FAAH2: variants seen among roughly 807,000 people sequenced by gnomAD.
FAAH2 encodes fatty-acid amide hydrolase 2.
In FAAH2, 60 loss-of-function variants were observed where a neutral mutation model predicts 36.9. That is an observed-to-expected ratio of 1.63 (90% confidence interval 1.32 to 2.02). FAAH2 has a LOEUF of 2.02. Among genes scored for constraint, FAAH2 ranks in the 30% most tolerant of loss-of-function variants. FAAH2 has a pLI of 0.00. For missense variants in FAAH2, 689 were observed against 397.5 expected, an observed-to-expected ratio of 1.73 and a Z score of -6.23; for synonymous variants, 214 against 143.8, an observed-to-expected ratio of 1.49 and a Z score of -3.49.
chrX:57,310,764 A>T, intron 3 of FAAH2, 35 bp downstream of exon 3: 2 of 1,154,150 alleles, frequency 1.7e-6, no homozygotes, highest in East Asian at 3.1e-5. Flanking sequence ...CATGAGTTTA[A>T]TTCACAAGTT....
chrX:57,148,415 G>C, the FAAH2 span, among the ~76,000 whole-genome samples: 6 of 111,265 alleles, frequency 5.4e-5, no homozygotes, highest in Admixed American at 9.5e-5. Context: ...TCTTCCATTT[G>C]TTTGTATCCT....
the FAAH2 span, among the ~76,000 whole-genome samples, chrX:57,273,098 A>G: frequency 8.9e-6 from 1 of 111,885 alleles, no homozygotes; most frequent in Non-Finnish European, 1.9e-5. Context: ...GCAAAAAAGA[A>G]CGTGAGTTGC....
chrX:57,424,828 G>T (rs1183407478), intron 7 of FAAH2, among the ~76,000 whole-genome samples: 2 of 111,805 alleles, frequency 1.8e-5, no homozygotes, highest in African/African-American at 6.5e-5. Flanking sequence ...GAAAAAATGT[G>T]GGTGTTATGA....
chrX:57,447,322 A>T (rs917708772), intron 9 of FAAH2, among the ~76,000 whole-genome samples: 1 of 110,388 alleles, frequency 9.1e-6, no homozygotes, highest in African/African-American at 3.3e-5. Context: ...GTGTCTGTGG[A>T]TTTTCTGGGT....
At chrX:57,377,675 G>A (rs1203407984) in intron 5 of FAAH2, among the ~76,000 whole-genome samples, 1 of 112,120 alleles carries the variant, frequency 8.9e-6, no homozygotes, top group Non-Finnish European at 1.9e-5. Flanking sequence ...TTCTAATTCT[G>A]TGAAGAAAGT....
chrX:57,429,962 A>G (rs1273233991), intron 7 of FAAH2, among the ~76,000 whole-genome samples: 4 of 111,381 alleles, frequency 3.6e-5, no homozygotes, highest in African/African-American at 1.3e-4. Flanking sequence ...ATTTTCACTT[A>G]TAAGTGAGAG....
At chrX:57,212,118 C>T in the FAAH2 span, among the ~76,000 whole-genome samples, 1 of 111,365 alleles carries the variant, frequency 9.0e-6, no homozygotes, top group Admixed American at 9.6e-5. Context: ...GTAGTCTCAG[C>T]AACTTGGGGA....
intron 10 of FAAH2, among the ~76,000 whole-genome samples, chrX:57,459,140 G>T (rs769403520): frequency 3.6e-5 from 4 of 112,464 alleles, no homozygotes; most frequent in Admixed American, 2.8e-4. Context: ...CTAGCTTGGT[G>T]GGGGGAGGGG....
At chrX:57,438,834 A>G (rs1233663802) in intron 8 of FAAH2, among the ~76,000 whole-genome samples, 4 of 99,662 alleles carry the variant, frequency 4.0e-5, no homozygotes, top group East Asian at 6.7e-4. Flanking sequence ...TCCCACCTAT[A>G]AGTGAGAACA....
chrX:57,234,733 G>A, the FAAH2 span, among the ~76,000 whole-genome samples: 1 of 111,581 alleles, frequency 9.0e-6, no homozygotes, highest in Non-Finnish European at 1.9e-5. Context: ...GTAGTGTGAA[G>A]GATGGGGAGC....
intron 8 of FAAH2, among the ~76,000 whole-genome samples, chrX:57,441,737 T>C (rs2056562186): frequency 9.0e-6 from 1 of 111,695 alleles, no homozygotes; most frequent in Non-Finnish European, 1.9e-5. Context: ...CTTTCTCTTG[T>C]GGGCGTTTAG....
At chrX:57,317,561 A>G (rs1171679004) in intron 3 of FAAH2, among the ~76,000 whole-genome samples, 1 of 111,631 alleles carries the variant, frequency 9.0e-6, no homozygotes, top group Admixed American at 9.5e-5. Flanking sequence ...CTACACCATA[A>G]TAGTGGGAGA....
intron 10 of FAAH2, among the ~76,000 whole-genome samples, chrX:57,455,689 C>T (rs761865915): frequency 5.4e-5 from 6 of 111,723 alleles, no homozygotes; most frequent in Non-Finnish European, 9.4e-5. Context: ...AAACCAGCAA[C>T]GGTCATAAAA....
intron 10 of FAAH2, among the ~76,000 whole-genome samples, chrX:57,484,940 G>A (rs1289682064): frequency 9.0e-6 from 1 of 111,482 alleles, no homozygotes; most frequent in African/African-American, 3.3e-5. Flanking sequence ...TGGTCCCTGG[G>A]TCACTGGCTG....
chrX:57,300,724 T>C (rs2052332038), intron 2 of FAAH2, among the ~76,000 whole-genome samples: 1 of 111,770 alleles, frequency 8.9e-6, no homozygotes, highest in South Asian at 3.8e-4. Flanking sequence ...GACAAAGGGC[T>C]AATATCCAGA....
Position 57,331,668 on chromosome X carries a change from A to G in FAAH2, c.483A>G (p.Ala161=), listed in dbSNP as rs2053410515. Residue 161 remains alanine, a synonymous_variant, in exon 4 of 11, where the codon GCA becomes GCG. Coordinates refer to ENST00000374900, the MANE Select transcript of FAAH2 (RefSeq NM_174912.4). The part of the protein sequence containing the change: ...AIAKTDATVV[A]LLKGAGAIPL... ...CCAAAACAGATGCCACTGTGGTGGC[A>G]TTACTGAAGGGAGCTGGTGCCATTC... The G allele has an allele frequency of 8.3e-7, 1 of 1,211,905 alleles. No individual in the cohort carries two copies. Among genetic ancestry groups the G allele is most frequent in the Non-Finnish European group, 1.1e-6 (1 of 895,473 alleles).
the FAAH2 span, among the ~76,000 whole-genome samples, chrX:57,187,465 G>A: frequency 9.0e-6 from 1 of 111,036 alleles, no homozygotes; most frequent in African/African-American, 3.3e-5. Flanking sequence ...GAGTTTTTGG[G>A]TTGAGAAGAT....
At chrX:57,228,305 TCCCAGTGC>T in the FAAH2 span, among the ~76,000 whole-genome samples, 1 of 111,381 alleles carries the variant, frequency 9.0e-6, no homozygotes, top group African/African-American at 3.3e-5. Context: ...TCCAGCGAGC[TCCCAGTGC>T]CTTTCTGCTA....
At chrX:57,189,222 T>A in the FAAH2 span, among the ~76,000 whole-genome samples, 1 of 110,811 alleles carries the variant, frequency 9.0e-6, no homozygotes, top group African/African-American at 3.3e-5. Flanking sequence ...TTGTGCTGTG[T>A]TTTTTGGCTC....
Sources: gnomAD v4.1 joint callset for allele counts (sites outside exome capture counted in the v4.1 genomes callset) on GRCh38, gnomAD v4.1.1 for gene constraint, MANE v1.5 for transcripts, NCBI Gene and HGNC (gene_info 2026-07-23, HGNC 2026-07-21) for gene names.